ZNF562: variants seen among roughly 807,000 people sequenced by gnomAD.
ZNF562 encodes the protein zinc finger protein 562.
A neutral mutation model predicts 17.5 loss-of-function variants in ZNF562; 13 were observed. The observed-to-expected ratio is 0.74, with a 90% CI of 0.48 to 1.18. The LOEUF is 1.18. Ranked by LOEUF, ZNF562 falls within the 50% of genes most tolerant of loss-of-function variation. ZNF562 has a pLI of 0.00. For missense variants in ZNF562, 481 were observed against 498.5 expected (o/e 0.96, Z 0.33); for synonymous variants, 163 against 165.4 (o/e 0.99, Z 0.11).
At chr19:9,670,999 CAAA>C (rs61660395) in intron 1 of ZNF562, among the ~76,000 whole-genome samples, 5 of 92,786 alleles carry the variant, frequency 5.4e-5, no homozygotes, top group Admixed American at 1.1e-4. Context: ...CTCCATCTCC[CAAA>C]AAAAAAAAAA....
At chr19:9,659,797 A>G (rs145702482) in intron 2 of ZNF562, among the ~76,000 whole-genome samples, 4 of 151,840 alleles carry the variant, frequency 2.6e-5, no homozygotes, top group Non-Finnish European at 5.9e-5. Flanking sequence ...GCTGAATTCT[A>G]AAACAGCATT....
rs1379519127 is a variant in ZNF562, at chr19:9,648,691, T to TG, written c.*4257dup. On this transcript the variant is annotated 3_prime_UTR_variant, in exon 6 of 6. Transcript: ENST00000453372. ...TTTGTTTTTGTTTTTTTTTTTGAGA[T>TG]GGGGTCTTGCTATGTTGCCTAAGCT... is the stretch of plus-strand genomic sequence containing the variant. 7 of 151,338 alleles carry TG rather than the reference T, an allele frequency of 4.6e-5. No homozygotes were observed. The highest frequency in any genetic ancestry group is 1.7e-4 in the African/African-American group (7 of 41,258). The allele number at this position is 151,338 out of a possible 1,614,324, so 9.4% of individuals were successfully genotyped here.
At chr19:9,666,532 GAACAA>G (rs1555698736) in intron 1 of ZNF562, among the ~76,000 whole-genome samples, 2 of 151,162 alleles carry the variant, frequency 1.3e-5, no homozygotes, top group African/African-American at 2.4e-5. Flanking sequence ...AAAATTAGTA[GAACAA>G]AAGAATAAAG....
At chr19:9,664,797 G>A (rs943057705) in intron 1 of ZNF562, among the ~76,000 whole-genome samples, 26 of 151,620 alleles carry the variant, frequency 1.7e-4, no homozygotes, top group East Asian at 7.8e-4. Context: ...AGGCCAAGGC[G>A]GGTGGATCAT....
At chr19:9,668,516 T>C (rs1458263079) in intron 1 of ZNF562, among the ~76,000 whole-genome samples, 1 of 152,166 alleles carries the variant, frequency 6.6e-6, no homozygotes, top group Non-Finnish European at 1.5e-5. Flanking sequence ...ATTAGAAGAA[T>C]ATTGTTAAAA....
rs1007589253 is a variant in ZNF562, at chr19:9,647,282, A to T, written c.*5667T>A. Reference sequence around the variant, plus strand: ...TTTTTAGTAAAGACGGGGTTTCAACATGTTGGCCAGGATGGTCTTGATCTC... The same window carrying T: ...TTTTTAGTAAAGACGGGGTTTCAACTTGTTGGCCAGGATGGTCTTGATCTC... On this transcript the variant is annotated 3_prime_UTR_variant, in exon 6 of 6. Transcript: ENST00000453372. 9 of 151,376 alleles carry T rather than the reference A, an allele frequency of 5.9e-5. No individual in the cohort carries two copies. Among genetic ancestry groups the T allele is most frequent in the African/African-American group, 2.2e-4 (9 of 41,242 alleles). 9.4% of individuals were successfully genotyped at this position (151,376 alleles called of 1,614,324 possible). A position where few individuals can be genotyped will look rare whatever the true frequency, so the allele number is the denominator to read the frequency against.
intron 1 of ZNF562, among the ~76,000 whole-genome samples, chr19:9,666,796 G>C (rs1335804896): frequency 6.6e-6 from 1 of 152,004 alleles, no homozygotes; most frequent in Non-Finnish European, 1.5e-5. Context: ...ACAAATTCTT[G>C]GGTGCATACA....
At chr19:9,673,834 C>A (rs1440843686) in intron 1 of ZNF562, among the ~76,000 whole-genome samples, 1 of 151,870 alleles carries the variant, frequency 6.6e-6, no homozygotes, top group Non-Finnish European at 1.5e-5. Flanking sequence ...GGTGAAACCC[C>A]ATCTCTACCA....
chr19:9,652,704 A>T lies in ZNF562; in HGVS notation c.*245T>A. On this transcript the variant is annotated 3_prime_UTR_variant, in exon 6 of 6. Transcript: ENST00000453372. ...CCATTACAACCTCCAAAAGGCATTT[A>T]GGACTAATCTGATGATCTTTGCACT... 3.0e-6 allele frequency: 1 copy of T among 333,530 alleles called. No individual in the cohort carries two copies. Among genetic ancestry groups the T allele is most frequent in the Non-Finnish European group, 5.4e-6 (1 of 184,934 alleles). 20.7% of individuals were successfully genotyped at this position (333,530 alleles called of 1,614,324 possible). A position where few individuals can be genotyped will look rare whatever the true frequency, so the allele number is the denominator to read the frequency against.
rs1208794720 is a variant in ZNF562 at position 9,653,360 on chromosome 19, A to G, written c.870T>C (p.Cys290=). The change falls in exon 6 of 6, where the codon TGT becomes TGC. Residue 290 remains cysteine, a synonymous_variant. Transcript: ENST00000453372. The stretch of plus-strand genomic sequence containing the variant: ...TTCTAAAGGATCTTCCACATTCTTT[A>G]CATTCAAAGGACTTCTCTCCTTTAT... ...KTHKGEKSFE[C]KECGRSFRNS... 6 of 1,614,082 alleles carry G rather than the reference A, an allele frequency of 3.7e-6. No homozygotes were observed. Among genetic ancestry groups the G allele is most frequent in the Non-Finnish European group, 5.1e-6 (6 of 1,179,980 alleles).
In ZNF562 at chr19:9,651,517, C is replaced by A. The variant is rs1236209577; in HGVS notation, c.*1432G>T. 6.6e-6 allele frequency: 1 copy of A among 152,240 alleles called. No individual in the cohort carries two copies. Among genetic ancestry groups the A allele is most frequent in the Non-Finnish European group, 1.5e-5 (1 of 68,042 alleles). The allele number at this position is 152,240 out of a possible 1,614,324, so 9.4% of individuals were successfully genotyped here. A position where few individuals can be genotyped will look rare whatever the true frequency, so the allele number is the denominator to read the frequency against. On this transcript the variant is annotated 3_prime_UTR_variant, in exon 6 of 6. Transcript: ENST00000453372. ...GGCCATAAACAAAATCTCTGCAGCACTGTGACATGCTCGTGATGGCTATGA... is the reference window on the plus strand; with the variant it reads ...GGCCATAAACAAAATCTCTGCAGCAATGTGACATGCTCGTGATGGCTATGA...
intron 1 of ZNF562, chr19:9,674,676 G>A (rs1172410173): frequency 2.0e-5 from 3 of 152,202 alleles, no homozygotes; most frequent in Non-Finnish European, 2.9e-5. Context: ...GGGAGAATGC[G>A]GGGCCAGAGC....
At chr19:9,660,473 A>C (rs1330214869) in intron 2 of ZNF562, among the ~76,000 whole-genome samples, 1 of 151,796 alleles carries the variant, frequency 6.6e-6, no homozygotes, top group African/African-American at 2.4e-5. Flanking sequence ...TAAAAATACA[A>C]AATTAGCCTG....
rs764924509 is a variant in ZNF562 at position 9,658,017 on chromosome 19, G to A, written c.233C>T (p.Ala78Val). The change falls in exon 4 of 6, where the codon GCC becomes GTC. Residue 78 changes from alanine (A) to valine (V), a missense_variant. Physicochemically the swap from Ala to Val is moderately conservative, Grantham distance 64 (BLOSUM62 0). Transcript: ENST00000453372. ...DVMLENYMNL[A>V]SVDFFFCLTS... The stretch of plus-strand genomic sequence containing the variant: ...AGTGATGTTACTCTTACCCACAGAG[G>A]CCAGGTTCATGTAGTTCTCCAGCAT... The A allele has an allele frequency of 6.2e-6, 10 of 1,611,782 alleles. No homozygotes were observed. The Admixed American group carries it at 1.5e-4, about 24-fold the overall frequency.
chr19:9,651,761 GAAT>G lies in ZNF562; in HGVS notation c.*1185_*1187del, dbSNP rs1336446800. 2 of 152,142 alleles carry G rather than the reference GAAT, an allele frequency of 1.3e-5. No individual in the cohort carries two copies. The highest frequency in any genetic ancestry group is 1.9e-4 in the East Asian group (1 of 5,198). The allele number at this position is 152,142 out of a possible 1,614,324, so 9.4% of individuals were successfully genotyped here. On this transcript the variant is annotated 3_prime_UTR_variant, in exon 6 of 6. Coordinates refer to ENST00000453372, the MANE Select transcript of ZNF562 (RefSeq NM_001130031.2). ...CTTATAGCTGATCTACAATCTATAG[GAAT>G]AATGTTTATCACAGGCTTACTGTCA...
At chr19:9,668,234 G>T (rs983327133) in intron 1 of ZNF562, among the ~76,000 whole-genome samples, 1 of 151,834 alleles carries the variant, frequency 6.6e-6, no homozygotes, top group Admixed American at 6.6e-5. Flanking sequence ...AATTAGCCAG[G>T]CATGATGGCA....
intron 2 of ZNF562, 108 bp downstream of exon 2, chr19:9,660,610 GAA>G (rs111723152): frequency 2.2e-3 from 2,050 of 912,158 alleles, no homozygotes; most frequent in South Asian, 3.4e-3. Context: ...CCATCTAAAA[GAA>G]AAAAAAAAAA....
intron 1 of ZNF562, among the ~76,000 whole-genome samples, chr19:9,663,920 T>G (rs1259409613): frequency 6.6e-6 from 1 of 151,948 alleles, no homozygotes. Context: ...CCAGCTATTT[T>G]TTTTTTGTAT....
At chr19:9,660,347 C>T (rs1390394429) in intron 2 of ZNF562, among the ~76,000 whole-genome samples, 3 of 152,004 alleles carry the variant, frequency 2.0e-5, no homozygotes, top group Non-Finnish European at 4.4e-5. Flanking sequence ...CTAGCAGCAG[C>T]CAGGCACGGT....
Sources: gnomAD v4.1 joint callset for allele counts (sites outside exome capture counted in the v4.1 genomes callset) on GRCh38, gnomAD v4.1.1 for gene constraint, MANE v1.5 for transcripts, NCBI Gene and HGNC (gene_info 2026-07-23, HGNC 2026-07-21) for gene names.